The following PCDHGA5 variants were observed in gnomAD, a reference collection of about 807,000 sequenced individuals.
PCDHGA5 encodes protocadherin gamma-A5.
Under a neutral mutation model 56.7 loss-of-function variants are expected in PCDHGA5, and 36 were observed. That is an observed-to-expected ratio of 0.64 (90% CI 0.49 to 0.84). The LOEUF is 0.84. Ranked by LOEUF, PCDHGA5 falls within the 40% of genes least tolerant of loss-of-function variation. The pLI, the probability that PCDHGA5 is intolerant of heterozygous loss-of-function variation, is 0.00. For synonymous variants in PCDHGA5, 563 were observed against 520.2 expected (o/e 1.08, Z -1.12); for missense variants, 1,305 against 1,201.5 (o/e 1.09, Z -1.27).
chr5:141,372,183 G>C lies in PCDHGA5; in HGVS notation c.2421+5432G>C, dbSNP rs770498510. 5 of 1,613,672 alleles carry C rather than the reference G, an allele frequency of 3.1e-6. No individual in the cohort carries two copies. The Admixed American group carries it at 8.3e-5, about 27-fold the overall frequency. On this transcript the variant is annotated intron_variant, in intron 1 of 3. Coordinates refer to ENST00000518069, the MANE Select transcript of PCDHGA5 (RefSeq NM_018918.3). ...GACCAAGGTGGTGGCGGTGGACGCA[G>C]ACTCGGGATACAACGCCTGGCTGTC...
chr5:141,419,122 C>T (rs1418298635), intron 1 of PCDHGA5: 2 of 1,613,862 alleles, frequency 1.2e-6, no homozygotes, highest in African/African-American at 1.3e-5. Flanking sequence ...ACAACGTCAC[C>T]ATCGCAGCCA....
chr5:141,412,000 C>G (rs936679371), intron 1 of PCDHGA5: 4 of 151,788 alleles, frequency 2.6e-5, no homozygotes, highest in East Asian at 1.9e-4. Flanking sequence ...GGCATAGTGA[C>G]ATAAACACTT....
chr5:141,394,447 A>T, intron 1 of PCDHGA5: 1 of 1,614,248 alleles, frequency 6.2e-7, no homozygotes, highest in Non-Finnish European at 8.5e-7. Flanking sequence ...CTCAGCAGCA[A>T]CATGTCACTG....
chr5:141,427,717 A>G (rs1038823851), intron 1 of PCDHGA5: 20 of 1,076,234 alleles, frequency 1.9e-5, no homozygotes, highest in African/African-American at 1.1e-4. Context: ...TCTGACCTGG[A>G]CCTAGGGCTG....
chr5:141,483,606 C>T (rs1460635551), intron 1 of PCDHGA5, among the ~76,000 whole-genome samples: 1 of 151,984 alleles, frequency 6.6e-6, no homozygotes, highest in Non-Finnish European at 1.5e-5. Flanking sequence ...CTGGTTTACA[C>T]CTCCATCATT....
At chr5:141,402,458 T>C (rs886690950) in intron 1 of PCDHGA5, among the ~76,000 whole-genome samples, 2 of 152,178 alleles carry the variant, frequency 1.3e-5, no homozygotes, top group Non-Finnish European at 2.9e-5. Flanking sequence ...ATAGTTTACA[T>C]ATCTAGAAAT....
intron 1 of PCDHGA5, among the ~76,000 whole-genome samples, chr5:141,425,629 C>G (rs1297803997): frequency 1.3e-5 from 2 of 152,162 alleles, no homozygotes; most frequent in Admixed American, 1.3e-4. Flanking sequence ...CTCCAGTTTT[C>G]TCTGATAAAA....
In PCDHGA5 at chr5:141,487,186, A is replaced by G; in HGVS notation, c.2422-7621A>G. 4 of 1,613,760 alleles carry G rather than the reference A, an allele frequency of 2.5e-6. No individual in the cohort carries two copies. The highest frequency in any genetic ancestry group is 2.5e-6 in the Non-Finnish European group (3 of 1,179,662). ...TGTCCTTAGAGGAAGACACTCATCC[A>G]GTTGTCCCAGATCTTCGAGAATCTT... is the stretch of plus-strand genomic sequence containing the variant. On this transcript the variant is annotated intron_variant, in intron 1 of 3. Coordinates refer to ENST00000518069, the MANE Select transcript of PCDHGA5 (RefSeq NM_018918.3). This position sits in a 1 kb window ranked among gnomAD's most constrained non-coding sequence, Gnocchi z 5.0.
At chr5:141,374,635 C>T (rs759050511) in intron 1 of PCDHGA5, 1 of 1,613,044 alleles carries the variant, frequency 6.2e-7, no homozygotes, top group Non-Finnish European at 8.5e-7. Flanking sequence ...ACGTGCAAAG[C>T]GAAGCCCATG....
Position 141,389,969 on chromosome 5 carries a change from C to T in PCDHGA5, c.2421+23218C>T, listed in dbSNP as rs762168749. 10 of 1,614,042 alleles carry T rather than the reference C, an allele frequency of 6.2e-6. No individual in the cohort carries two copies. In the South Asian group the frequency reaches 1.1e-4, roughly 18 times the overall value. On this transcript the variant is annotated intron_variant, in intron 1 of 3. Coordinates refer to ENST00000518069, the MANE Select transcript of PCDHGA5 (RefSeq NM_018918.3). ...AGTTTTACCTAGTGGTGGCCTTGGC[C>T]TTGATCTCAGTGCTCTTCCTCGTGG...
chr5:141,452,652 C>T (rs1420422511), intron 1 of PCDHGA5, among the ~76,000 whole-genome samples: 1 of 151,916 alleles, frequency 6.6e-6, no homozygotes. Flanking sequence ...TCATTTGCTC[C>T]ATCCACTGCA....
rs775092851 is a variant in PCDHGA5 at position 141,388,890 on chromosome 5, A to G, written c.2421+22139A>G. ...GCAATGCACAGTGGAGGTAGAAGTC[A>G]TAGATGAAAATGACAACGCCCCAGA... On this transcript the variant is annotated intron_variant, in intron 1 of 3. Coordinates refer to ENST00000518069, the MANE Select transcript of PCDHGA5 (RefSeq NM_018918.3). The G allele has an allele frequency of 3.7e-6, 6 of 1,613,888 alleles. No individual in the cohort carries two copies. The African/African-American group carries it at 6.7e-5, about 18-fold the overall frequency.
At chr5:141,458,735 A>G (rs2098952642) in intron 1 of PCDHGA5, among the ~76,000 whole-genome samples, 1 of 148,560 alleles carries the variant, frequency 6.7e-6, no homozygotes, top group East Asian at 2.0e-4. Context: ...ACATCCAGCT[A>G]TTGGTTTTGG....
intron 1 of PCDHGA5, chr5:141,377,186 T>G (rs1773756873): frequency 6.6e-6 from 1 of 152,252 alleles, no homozygotes; most frequent in Non-Finnish European, 1.5e-5. Context: ...TGGCAAACTA[T>G]TTGTGTCTTG....
At chr5:141,375,665 C>T (rs114223268) in intron 1 of PCDHGA5, 22,660 of 1,614,242 alleles carry the variant, frequency 0.014, 234 homozygotes, top group Non-Finnish European at 0.016. Flanking sequence ...GTTGAGAGAC[C>T]TACAGCTGTG....
At chr5:141,500,215 T>G (rs888740312) in intron 2 of PCDHGA5, among the ~76,000 whole-genome samples, 8 of 150,660 alleles carry the variant, frequency 5.3e-5, no homozygotes, top group African/African-American at 1.9e-4. Context: ...TTTATTTATT[T>G]ATTTATTTAT....
chr5:141,405,364 C>G, intron 1 of PCDHGA5: 1 of 1,613,548 alleles, frequency 6.2e-7, no homozygotes, highest in Non-Finnish European at 8.5e-7. Context: ...TAGAAGACAC[C>G]CCTTTGGTTC....
intron 1 of PCDHGA5, among the ~76,000 whole-genome samples, chr5:141,475,778 T>C (rs1204790631): frequency 2.0e-5 from 3 of 152,282 alleles, no homozygotes; most frequent in Non-Finnish European, 4.4e-5. Flanking sequence ...GCGCTTTGGC[T>C]GGAAACTCTG....
intron 1 of PCDHGA5, chr5:141,410,343 G>A (rs890241182): frequency 6.2e-7 from 1 of 1,613,964 alleles, no homozygotes; most frequent in Non-Finnish European, 8.5e-7. Flanking sequence ...ATTGCCTTGC[G>A]CCTGCGACGC....
Sources: gnomAD v4.1 joint callset for allele counts (sites outside exome capture counted in the v4.1 genomes callset) on GRCh38, gnomAD v4.1.1 for gene constraint, Gnocchi (gnomAD v3.1) non-coding constraint, MANE v1.5 for transcripts, NCBI Gene and HGNC (gene_info 2026-07-23, HGNC 2026-07-21) for gene names.